Variants in TNS4 observed in about 807,000 individuals in gnomAD.
TNS4 encodes tensin 4.
A neutral mutation model predicts 70.4 loss-of-function variants in TNS4; 46 were observed. The observed-to-expected ratio is 0.65, with a 90% CI of 0.52 to 0.84. The LOEUF is 0.84. Ranked by LOEUF, TNS4 falls within the 40% of genes least tolerant of loss-of-function variation. The pLI is 0.00. For synonymous variants in TNS4, 390 were observed against 366.6 expected, an observed-to-expected ratio of 1.06 and a Z score of -0.73; for missense variants, 863 against 907.0, an observed-to-expected ratio of 0.95 and a Z score of 0.62.
intron 2 of TNS4, among the ~76,000 whole-genome samples, chr17:40,490,309 T>C (rs988245356): frequency 1.3e-5 from 2 of 152,248 alleles, no homozygotes; most frequent in African/African-American, 4.8e-5. Context: ...TGGGCTGCTC[T>C]GAGGTTCTCC....
chr17:40,494,483 G>T (rs959310540), intron 2 of TNS4, among the ~76,000 whole-genome samples: 1 of 152,184 alleles, frequency 6.6e-6, no homozygotes, highest in Non-Finnish European at 1.5e-5. Flanking sequence ...TGTAATCCCA[G>T]CACTTTGGGA....
chr17:40,493,329 G>A (rs1323816240), intron 2 of TNS4, among the ~76,000 whole-genome samples: 1 of 152,206 alleles, frequency 6.6e-6, no homozygotes, highest in African/African-American at 2.4e-5. Flanking sequence ...GGAAGGATGA[G>A]ATTGTAAAAT....
chr17:40,477,518 T>A lies in TNS4; in HGVS notation c.*70A>T, dbSNP rs1040094541. 17 of 1,587,082 alleles carry A rather than the reference T, an allele frequency of 1.1e-5. No individual in the cohort carries two copies. In the African/African-American group the frequency reaches 2.1e-4, roughly 20 times the overall value. On this transcript the variant is annotated 3_prime_UTR_variant, in exon 13 of 13. Transcript: ENST00000254051. ...CAATATGGCCACAAGCCACACCCAT[T>A]CAGGGGGTGGAGGGGGGCTCCTTAG...
At chr17:40,482,731 T>C (rs573020248) in intron 6 of TNS4, among the ~76,000 whole-genome samples, 3 of 151,700 alleles carry the variant, frequency 2.0e-5, no homozygotes, top group African/African-American at 7.3e-5. Flanking sequence ...TGAGCCGAGA[T>C]TGTGCTACTG....
chr17:40,478,372 G>A (rs747091952), intron 11 of TNS4, 39 bp from the exon 12 acceptor site: 7 of 1,605,756 alleles, frequency 4.4e-6, no homozygotes, highest in Middle Eastern at 1.7e-4. Flanking sequence ...ATGAGGCTTC[G>A]CTCCATGCCA....
Position 40,480,704 on chromosome 17 carries a change from A to G in TNS4, c.1737T>C (p.Ser579=). The G allele has an allele frequency of 6.4e-7, 1 of 1,560,426 alleles. No homozygotes were observed. The highest frequency in any genetic ancestry group is 1.4e-5 in the African/African-American group (1 of 71,638). ...CTCCCTTCCTGTACCACTCACCCGCAGATTTCTTCTGGCAGGAGGCTGGGC... is the reference window on the plus strand; with the variant it reads ...CTCCCTTCCTGTACCACTCACCCGCGGATTTCTTCTGGCAGGAGGCTGGGC... The part of the protein sequence containing the change: ...TDSPASCQKK[S]AGCHTLYLSS... Residue 579 remains serine, a synonymous_variant, in exon 9 of 13, where the codon TCT becomes TCC. Transcript: ENST00000254051.
At chr17:40,480,949 C>A in intron 8 of TNS4, 181 bp from the exon 9 acceptor site, 1 of 650,576 alleles carries the variant, frequency 1.5e-6, no homozygotes, top group Admixed American at 3.6e-5. Flanking sequence ...TTTGGGCTCC[C>A]TAAATGCTTA....
At chr17:40,499,136 C>G (rs1162121206) in intron 1 of TNS4, among the ~76,000 whole-genome samples, 2 of 152,182 alleles carry the variant, frequency 1.3e-5, no homozygotes, top group Admixed American at 6.5e-5. Context: ...AGTTAAAGAT[C>G]GACCCCTGAC....
rs367849357 is a variant in TNS4, at chr17:40,496,295, G to A, written c.131C>T (p.Thr44Ile). Residue 44 changes from threonine to isoleucine, a missense_variant, in exon 2 of 13, where the codon ACC (threonine) becomes ATC (isoleucine). Thr to Ile is a moderately conservative substitution (Grantham distance 89, BLOSUM62 -1). Transcript: ENST00000254051. ...GGCCTGGGCTCCCCAGCCTTCCGTG[G>A]TGTAGTAAGAACACTGGGGTGGCAG... ...PSLPPQCSYY[T>I]TEGWGAQALM... 4 of 1,612,940 alleles carry A rather than the reference G, an allele frequency of 2.5e-6. No homozygotes were observed. Among genetic ancestry groups the A allele is most frequent in the Admixed American group, 1.7e-5 (1 of 59,834 alleles).
At chr17:40,492,836 A>G (rs8072500) in intron 2 of TNS4, among the ~76,000 whole-genome samples, 58,039 of 151,588 alleles carry the variant, frequency 0.38, 11,256 homozygotes, top group East Asian at 0.48. Flanking sequence ...GACGAGGTCA[A>G]GAGTTCAAGA....
intron 10 of TNS4, 58 bp from the exon 11 acceptor site, chr17:40,478,706 C>T: frequency 6.3e-7 from 1 of 1,579,532 alleles, no homozygotes. Context: ...TGTCATCCTG[C>T]CTCCAGCATC....
intron 2 of TNS4, among the ~76,000 whole-genome samples, chr17:40,492,143 G>A (rs943468200): frequency 6.6e-6 from 1 of 152,160 alleles, no homozygotes; most frequent in South Asian, 2.1e-4. Context: ...GCCTCCAAAC[G>A]GATGGATTCC....
chr17:40,495,975 C>T lies in TNS4; in HGVS notation c.439+12G>A, dbSNP rs773775527. ...CAAGCCCCCCTCCTGGTACTGTGCC[C>T]CAAATCCTTACCCAAGGCTTCAGAT... On this transcript the variant is annotated intron_variant, in intron 2 of 12. Transcript: ENST00000254051. The T allele has an allele frequency of 5.0e-6, 8 of 1,599,686 alleles. No individual in the cohort carries two copies. In the South Asian group the frequency reaches 6.8e-5, roughly 14 times the overall value.
At chr17:40,490,404 G>A (rs988443429) in intron 2 of TNS4, among the ~76,000 whole-genome samples, 1 of 152,272 alleles carries the variant, frequency 6.6e-6, no homozygotes, top group African/African-American at 2.4e-5. Flanking sequence ...GGAGGAAGGT[G>A]GGGGTTAATG....
At chr17:40,488,519 TGC>T in intron 3 of TNS4, 25 bp downstream of exon 3, 1 of 1,491,588 alleles carries the variant, frequency 6.7e-7, no homozygotes, top group Non-Finnish European at 8.9e-7. Flanking sequence ...TGTGTGTGTG[TGC>T]AATGTTAGAA....
chr17:40,501,168 A>G (rs2036209855), intron 1 of TNS4, among the ~76,000 whole-genome samples: 1 of 152,128 alleles, frequency 6.6e-6, no homozygotes, highest in Admixed American at 6.5e-5. Context: ...CAAAAGGTTA[A>G]ATGAGGCTGG....
At chr17:40,482,585 GACACACACACACACAC>G (rs3833860) in intron 6 of TNS4, among the ~76,000 whole-genome samples, 169 bp from the exon 7 acceptor site, 4 of 144,998 alleles carry the variant, frequency 2.8e-5, no homozygotes, top group Non-Finnish European at 4.5e-5. Flanking sequence ...CTCTACTAAA[GACACACACACACACAC>G]ACACACACAC....
chr17:40,477,533 G>C lies in TNS4; in HGVS notation c.*55C>G. On this transcript the variant is annotated 3_prime_UTR_variant, in exon 13 of 13. Transcript: ENST00000254051. ...CCACACCCATTCAGGGGGTGGAGGGGGGCTCCTTAGCGAGCCCCTGGAGGT... is the reference window on the plus strand; with the variant it reads ...CCACACCCATTCAGGGGGTGGAGGGCGGCTCCTTAGCGAGCCCCTGGAGGT... The C allele has an allele frequency of 6.2e-7, 1 of 1,602,532 alleles. No homozygotes were observed. The highest frequency in any genetic ancestry group is 8.5e-7 in the Non-Finnish European group (1 of 1,173,276).
At position 40,477,508 on chromosome 17, in the gene TNS4, C is replaced by A; in HGVS notation, c.*80G>T. On this transcript the variant is annotated 3_prime_UTR_variant, in exon 13 of 13. Transcript: ENST00000254051. ...ATTGGTCTGTCAATATGGCCACAAG[C>A]CACACCCATTCAGGGGGTGGAGGGG... The A allele has an allele frequency of 6.3e-7, 1 of 1,576,784 alleles. No individual in the cohort carries two copies. Among genetic ancestry groups the A allele is most frequent in the Admixed American group, 1.7e-5 (1 of 57,380 alleles).
Sources: gnomAD v4.1 joint callset for allele counts (sites outside exome capture counted in the v4.1 genomes callset) on GRCh38, gnomAD v4.1.1 for gene constraint, MANE v1.5 for transcripts, NCBI Gene and HGNC (gene_info 2026-07-23, HGNC 2026-07-21) for gene names.